Variants in ROBO2 observed in about 807,000 individuals in gnomAD.
ROBO2 encodes roundabout guidance receptor 2.
A neutral mutation model predicts 160.8 loss-of-function variants in ROBO2; 53 were observed. The observed-to-expected ratio is 0.33, with a 90% CI of 0.26 to 0.41. The LOEUF (loss-of-function observed/expected upper bound fraction) is 0.41. Among genes scored for constraint, ROBO2 ranks in the 10% least tolerant of loss-of-function variants. ROBO2 has a pLI of 1.00. For synonymous variants in ROBO2, 664 were observed against 611.7 expected, an observed-to-expected ratio of 1.09 and a Z score of -1.26; for missense variants, 1,577 against 1,722.4, an observed-to-expected ratio of 0.92 and a Z score of 1.49.
chr3:77,258,930 T>C (rs1172331742), intron 2 of ROBO2, among the ~76,000 whole-genome samples: 2 of 152,194 alleles, frequency 1.3e-5, no homozygotes, highest in African/African-American at 4.8e-5. Flanking sequence ...CTGGATTCTG[T>C]CTTTGCTTCT....
chr3:76,186,966 C>G (rs1411462998), intron 2 of ROBO2, among the ~76,000 whole-genome samples: 2 of 152,064 alleles, frequency 1.3e-5, no homozygotes, highest in African/African-American at 2.4e-5. Flanking sequence ...ATCATTCACT[C>G]TCTATTTTCT....
intron 2 of ROBO2, among the ~76,000 whole-genome samples, chr3:76,790,819 T>C (rs1443404301): frequency 1.3e-4 from 20 of 151,776 alleles, no homozygotes; most frequent in Non-Finnish European, 1.5e-5. Context: ...ATAACATTGG[T>C]TAAAAGCATG....
intron 2 of ROBO2, among the ~76,000 whole-genome samples, chr3:76,947,145 G>T (rs150072491): frequency 6.6e-6 from 1 of 151,822 alleles, no homozygotes. Flanking sequence ...TACTTAACTC[G>T]TTTTCCACAA....
At chr3:76,838,324 C>T (rs1229324762) in intron 2 of ROBO2, among the ~76,000 whole-genome samples, 2 of 151,990 alleles carry the variant, frequency 1.3e-5, no homozygotes, top group African/African-American at 4.8e-5. Flanking sequence ...GTATAACGAA[C>T]CCACAGATAT....
chr3:76,964,110 T>A (rs2079887440), intron 2 of ROBO2, among the ~76,000 whole-genome samples: 1 of 152,152 alleles, frequency 6.6e-6, no homozygotes, highest in Non-Finnish European at 1.5e-5. Flanking sequence ...AAGGAACTCG[T>A]TAAACAGTGA....
chr3:77,617,447 T>A (rs546179328), intron 21 of ROBO2, 66 bp from the exon 23 acceptor site: 7 of 1,576,334 alleles, frequency 4.4e-6, no homozygotes, highest in Non-Finnish European at 5.2e-6. Flanking sequence ...ATTGCCAGTA[T>A]AATTGTGTGC....
chr3:77,360,172 A>G (rs1338875302), intron 2 of ROBO2, among the ~76,000 whole-genome samples: 2 of 152,064 alleles, frequency 1.3e-5, no homozygotes, highest in African/African-American at 2.4e-5. Context: ...ACATGCAGGA[A>G]GCAGTGTCAG....
intron 2 of ROBO2, among the ~76,000 whole-genome samples, chr3:76,461,298 G>T (rs1182525352): frequency 6.6e-6 from 1 of 152,138 alleles, no homozygotes; most frequent in Non-Finnish European, 1.5e-5. Context: ...ACCAAAACAT[G>T]AGGGGTCCTC....
chr3:75,919,681 T>A (rs2106815980), intron 1 of ROBO2, among the ~76,000 whole-genome samples: 1 of 152,240 alleles, frequency 6.6e-6, no homozygotes, highest in African/African-American at 2.4e-5. Flanking sequence ...TTTTTTTGGT[T>A]GGTAGGCTAG....
chr3:76,580,342 G>GTTTTTTTTTTTTTTTT (rs71101901), intron 2 of ROBO2, among the ~76,000 whole-genome samples: 3 of 90,562 alleles, frequency 3.3e-5, no homozygotes, highest in African/African-American at 4.4e-5. Flanking sequence ...TTTTTTTTGT[G>GTTTTTTTTTTTTTTTT]TTTTTTTTTT....
chr3:77,126,782 C>CTTTTTTTTTTTTTTT (rs11365042), intron 2 of ROBO2, among the ~76,000 whole-genome samples: 1 of 62,626 alleles, frequency 1.6e-5, no homozygotes, highest in African/African-American at 7.5e-5. Flanking sequence ...TTTGAAACTT[C>CTTTTTTTTTTTTTTT]TTTTTTTTTT....
intron 2 of ROBO2, among the ~76,000 whole-genome samples, chr3:77,016,689 G>A (rs1373299338): frequency 6.6e-6 from 1 of 152,096 alleles, no homozygotes; most frequent in Non-Finnish European, 1.5e-5. Flanking sequence ...CCATTCTATA[G>A]GTGAGGAACC....
At chr3:76,937,866 C>G (rs574983320) in intron 2 of ROBO2, among the ~76,000 whole-genome samples, 1 of 152,220 alleles carries the variant, frequency 6.6e-6, no homozygotes, top group African/African-American at 2.4e-5. Flanking sequence ...ACAGTGTTAC[C>G]GTACCCTCTA....
chr3:76,756,141 A>G (rs1255005173), intron 2 of ROBO2, among the ~76,000 whole-genome samples: 1 of 151,882 alleles, frequency 6.6e-6, no homozygotes, highest in Non-Finnish European at 1.5e-5. Flanking sequence ...TCTATTGGCC[A>G]GGCTCAAGAA....
At chr3:76,752,778 G>A (rs1458861761) in intron 2 of ROBO2, among the ~76,000 whole-genome samples, 1 of 151,388 alleles carries the variant, frequency 6.6e-6, no homozygotes, top group Non-Finnish European at 1.5e-5. Flanking sequence ...ATGCTAATTT[G>A]CACTCAGAAT....
chr3:76,436,629 G>A (rs2076696324), intron 2 of ROBO2, among the ~76,000 whole-genome samples: 1 of 151,894 alleles, frequency 6.6e-6, no homozygotes. Context: ...AATAAACCTT[G>A]ATGTGCTTAA....
At chr3:76,597,317 A>G (rs2086800094) in intron 2 of ROBO2, among the ~76,000 whole-genome samples, 1 of 152,136 alleles carries the variant, frequency 6.6e-6, no homozygotes, top group Non-Finnish European at 1.5e-5. Flanking sequence ...GAGGATGAAA[A>G]GAAAAGCCAA....
chr3:77,370,613 C>T (rs760120405), intron 2 of ROBO2, among the ~76,000 whole-genome samples: 1 of 152,350 alleles, frequency 6.6e-6, no homozygotes, highest in Non-Finnish European at 1.5e-5. Context: ...CAAACCACGG[C>T]CACATGCCAG....
intron 2 of ROBO2, among the ~76,000 whole-genome samples, chr3:77,250,489 CCAGT>C (rs1219832178): frequency 6.6e-6 from 1 of 152,156 alleles, no homozygotes; most frequent in Non-Finnish European, 1.5e-5. Flanking sequence ...ATATATCCAG[CCAGT>C]CAAAGTCTGT....
Sources: gnomAD v4.1 joint callset for allele counts (sites outside exome capture counted in the v4.1 genomes callset) on GRCh38, gnomAD v4.1.1 for gene constraint, MANE v1.5 for transcripts, NCBI Gene and HGNC (gene_info 2026-07-23, HGNC 2026-07-21) for gene names.